DLG2: variants seen among roughly 807,000 people sequenced by gnomAD.
The protein encoded by DLG2 is discs large MAGUK scaffold protein 2.
Under a neutral mutation model 132.5 loss-of-function variants are expected in DLG2, and 45 were observed. The ratio of observed to expected loss-of-function variants is 0.34; its 90% confidence interval spans 0.27 to 0.44. The LOEUF (loss-of-function observed/expected upper bound fraction) is 0.44, where lower values mean the gene tolerates loss of function less well. Among genes scored for constraint, DLG2 ranks in the 20% least tolerant of loss-of-function variants. The pLI is 1.00. For synonymous variants in DLG2, 424 were observed against 419.6 expected, an observed-to-expected ratio of 1.01 and a Z score of -0.13; for missense variants, 1,045 against 1,196.9, an observed-to-expected ratio of 0.87 and a Z score of 1.87.
chr11:84,354,462 C>CT (rs2098599187), intron 7 of DLG2, among the ~76,000 whole-genome samples: 1 of 152,038 alleles, frequency 6.6e-6, no homozygotes, highest in South Asian at 2.1e-4. Context: ...GAAATTGCAC[C>CT]TTTTTTTCTC....
intron 19 of DLG2, among the ~76,000 whole-genome samples, chr11:83,613,602 A>C (rs184019203): frequency 6.6e-6 from 1 of 152,338 alleles, no homozygotes; most frequent in African/African-American, 2.4e-5. Flanking sequence ...ATTCTGAGTC[A>C]ACTAATGTTA....
intron 19 of DLG2, among the ~76,000 whole-genome samples, chr11:83,586,783 G>A (rs1593842331): frequency 6.6e-6 from 1 of 152,198 alleles, no homozygotes; most frequent in East Asian, 1.9e-4. Context: ...AAATCTCAGA[G>A]CCAGGACTCA....
chr11:85,160,745 A>C (rs1388763460), intron 4 of DLG2, among the ~76,000 whole-genome samples: 2 of 152,104 alleles, frequency 1.3e-5, no homozygotes, highest in African/African-American at 4.8e-5. Flanking sequence ...CCCAGCCTGC[A>C]CCAATGGCCT....
intron 6 of DLG2, among the ~76,000 whole-genome samples, chr11:85,000,040 C>T (rs1428666158): frequency 6.6e-6 from 1 of 151,964 alleles, no homozygotes; most frequent in Non-Finnish European, 1.5e-5. Flanking sequence ...GTTAACTGAG[C>T]ATTATGTCTC....
chr11:85,398,775 C>T (rs548189248), intron 3 of DLG2, among the ~76,000 whole-genome samples: 46 of 152,084 alleles, frequency 3.0e-4, no homozygotes, highest in Admixed American at 1.0e-3. Flanking sequence ...AAAATTGAGG[C>T]GATAATTAAT....
intron 15 of DLG2, among the ~76,000 whole-genome samples, chr11:83,928,875 G>A (rs76523206): frequency 0.072 from 11,030 of 152,162 alleles, 892 homozygotes; most frequent in African/African-American, 0.2. Context: ...GCTGACTATA[G>A]GTACATAATT....
intron 5 of DLG2, among the ~76,000 whole-genome samples, chr11:85,133,727 CA>C (rs1026044468): frequency 6.6e-6 from 1 of 152,022 alleles, no homozygotes; most frequent in African/African-American, 2.4e-5. Flanking sequence ...AGTTCTTTCC[CA>C]AACTTTTCCC....
chr11:85,620,026 T>C (rs2081592620), intron 2 of DLG2, among the ~76,000 whole-genome samples: 1 of 152,230 alleles, frequency 6.6e-6, no homozygotes, highest in Non-Finnish European at 1.5e-5. Context: ...TTTTCACAAA[T>C]TAAGTTTGTG....
chr11:83,906,075 C>CTA (rs1201857550), intron 15 of DLG2, among the ~76,000 whole-genome samples: 6 of 99,924 alleles, frequency 6.0e-5, no homozygotes, highest in African/African-American at 9.2e-5. Context: ...CTCTCTCTCT[C>CTA]TCTCTCTATA....
At chr11:85,422,109 T>C (rs2090361230) in intron 3 of DLG2, among the ~76,000 whole-genome samples, 1 of 152,208 alleles carries the variant, frequency 6.6e-6, no homozygotes, top group South Asian at 2.1e-4. Flanking sequence ...TTGTCTCAGT[T>C]CTTAAGATTC....
intron 6 of DLG2, among the ~76,000 whole-genome samples, chr11:84,990,289 C>T (rs2056948361): frequency 6.6e-6 from 1 of 152,190 alleles, no homozygotes; most frequent in Non-Finnish European, 1.5e-5. Flanking sequence ...CTCTTAAATT[C>T]ATTTTGAAAC....
At chr11:83,777,850 G>A (rs921520245) in intron 18 of DLG2, among the ~76,000 whole-genome samples, 2 of 152,142 alleles carry the variant, frequency 1.3e-5, no homozygotes, top group Non-Finnish European at 2.9e-5. Context: ...TTGATGGCAT[G>A]TTTTAATCAG....
rs1455991049 is a variant in DLG2 at position 83,833,648 on chromosome 11, C to T, written c.1688G>A (p.Ser563Asn). The T allele has an allele frequency of 6.2e-7, 1 of 1,614,016 alleles. No homozygotes were observed. The highest frequency in any genetic ancestry group is 8.5e-7 in the Non-Finnish European group (1 of 1,179,954). Residue 563 changes from serine (S) to asparagine (N), a missense_variant, in exon 17 of 28, where the codon AGT becomes AAT. Transcript: ENST00000376104. ...FILAGGPADL[S>N]GELQRGDQIL... ...CTGGTCTCCTCTCTGGAGCTCCCCA[C>T]TTAGGTCTGCTGGTCCACCAGCCAG...
intron 19 of DLG2, among the ~76,000 whole-genome samples, chr11:83,581,026 A>G (rs1453144568): frequency 6.7e-6 from 1 of 150,342 alleles, no homozygotes; most frequent in Non-Finnish European, 1.5e-5. Flanking sequence ...TTCAACATGT[A>G]CTAATTAGGC....
At chr11:85,421,227 C>A (rs1253036293) in intron 3 of DLG2, among the ~76,000 whole-genome samples, 1 of 152,066 alleles carries the variant, frequency 6.6e-6, no homozygotes, top group Non-Finnish European at 1.5e-5. Context: ...AGAGAGTTCC[C>A]TGACCCCTTG....
At chr11:84,332,768 G>T (rs1158732181) in intron 7 of DLG2, among the ~76,000 whole-genome samples, 1 of 152,150 alleles carries the variant, frequency 6.6e-6, no homozygotes, top group African/African-American at 2.4e-5. Flanking sequence ...ATCAGAAACA[G>T]CACCTCGTTC....
chr11:85,248,178 G>A (rs1372944977), intron 4 of DLG2, among the ~76,000 whole-genome samples: 1 of 151,936 alleles, frequency 6.6e-6, no homozygotes, highest in Non-Finnish European at 1.5e-5. Flanking sequence ...ATGCTACTAC[G>A]CCATTTCACA....
At chr11:84,786,176 T>A (rs2153928613) in intron 6 of DLG2, among the ~76,000 whole-genome samples, 1 of 152,226 alleles carries the variant, frequency 6.6e-6, no homozygotes, top group African/African-American at 2.4e-5. Context: ...ATAGAAGAAG[T>A]TTGGTTTTTA....
Position 84,777,281 on chromosome 11 carries a change from G to GTATA in DLG2, c.358-242554_358-242551dup, listed in dbSNP as rs71036441. On this transcript the variant is annotated intron_variant, in intron 6 of 27. Transcript: ENST00000376104. ...TGTGTGTGTATGTATATGTGTGTGT[G>GTATA]TATATATATATATATATATATATAT... Among the ~76,000 whole-genome samples the GTATA allele has an allele frequency of 6.2e-3, 584 of 94,816 alleles. 8 individuals carry two copies. The highest frequency in any genetic ancestry group is 0.02 in the East Asian group (50 of 2,498). The allele number at this position is 94,816 out of a possible 152,430, so 62.2% of individuals were successfully genotyped here.
Sources: gnomAD v4.1 joint callset for allele counts (sites outside exome capture counted in the v4.1 genomes callset) on GRCh38, gnomAD v4.1.1 for gene constraint, MANE v1.5 for transcripts, NCBI Gene and HGNC (gene_info 2026-07-23, HGNC 2026-07-21) for gene names.